The following MCTP1 variants were observed in gnomAD, a reference collection of about 807,000 sequenced individuals.
The protein encoded by MCTP1 is multiple C2 and transmembrane domain-containing protein 1.
A neutral mutation model predicts 120.6 loss-of-function variants in MCTP1; 69 were observed. The observed-to-expected ratio is 0.57, with a 90% CI of 0.47 to 0.70. MCTP1 has a LOEUF of 0.70. Among genes scored for constraint, MCTP1 ranks in the 30% least tolerant of loss-of-function variants. The pLI is 0.00. For missense variants in MCTP1, 1,203 were observed against 1,248.8 expected (o/e 0.96, Z 0.55); for synonymous variants, 529 against 493.1 (o/e 1.07, Z -0.96).
intron 1 of MCTP1, among the ~76,000 whole-genome samples, chr5:95,084,746 C>T (rs1289934108): frequency 6.6e-6 from 1 of 152,108 alleles, no homozygotes; most frequent in Non-Finnish European, 1.5e-5. Flanking sequence ...ATAACAATTG[C>T]TTTCCTAATT....
intron 1 of MCTP1, among the ~76,000 whole-genome samples, chr5:95,046,793 C>T (rs1345548910): frequency 2.6e-5 from 4 of 152,126 alleles, no homozygotes; most frequent in Non-Finnish European, 5.9e-5. Context: ...AACTCTTGAC[C>T]ACACGTATCT....
At chr5:95,166,788 T>C (rs777232166) in intron 1 of MCTP1, among the ~76,000 whole-genome samples, 26 of 151,914 alleles carry the variant, frequency 1.7e-4, no homozygotes, top group Admixed American at 3.3e-4. Context: ...AGGATGGTCT[T>C]GATCTCCTGA....
intron 1 of MCTP1, among the ~76,000 whole-genome samples, chr5:95,074,451 T>G (rs1216810095): frequency 6.6e-6 from 1 of 152,260 alleles, no homozygotes; most frequent in Non-Finnish European, 1.5e-5. Flanking sequence ...GAGTATTGTT[T>G]AGTAATCAAT....
At chr5:94,708,004 G>A (rs1251952486) in intron 22 of MCTP1, among the ~76,000 whole-genome samples, 1 of 148,766 alleles carries the variant, frequency 6.7e-6, no homozygotes, top group Non-Finnish European at 1.5e-5. Flanking sequence ...CTTTTATTTT[G>A]AAAACAGCTG....
chr5:94,758,735 C>G (rs1418200437), intron 19 of MCTP1, among the ~76,000 whole-genome samples: 2 of 152,078 alleles, frequency 1.3e-5, no homozygotes, highest in Non-Finnish European at 2.9e-5. Flanking sequence ...TGACTCCCAC[C>G]TGGATAATTT....
intron 19 of MCTP1, among the ~76,000 whole-genome samples, chr5:94,778,857 C>T (rs1775980292): frequency 6.6e-6 from 1 of 152,152 alleles, no homozygotes; most frequent in Non-Finnish European, 1.5e-5. Flanking sequence ...CTATCAAGTT[C>T]CAGACAAGCT....
chr5:95,180,980 T>A (rs1252665654), intron 1 of MCTP1, among the ~76,000 whole-genome samples: 1 of 152,212 alleles, frequency 6.6e-6, no homozygotes, highest in South Asian at 2.1e-4. Flanking sequence ...GAAGCTGACC[T>A]CTTCTTAAAC....
chr5:95,125,912 A>G (rs562455302), intron 1 of MCTP1, among the ~76,000 whole-genome samples: 1 of 152,218 alleles, frequency 6.6e-6, no homozygotes, highest in African/African-American at 2.4e-5. Context: ...ACCTTCTTCA[A>G]CTTCTCTTCA....
chr5:94,823,071 T>A (rs1000815604), intron 17 of MCTP1, among the ~76,000 whole-genome samples: 59 of 152,238 alleles, frequency 3.9e-4, no homozygotes, highest in African/African-American at 1.4e-3. Context: ...CATTTGTCAA[T>A]TTTGGCTTTT....
intron 4 of MCTP1, 106 bp downstream of exon 4, chr5:94,942,242 C>T (rs1817898154): frequency 4.0e-6 from 3 of 756,920 alleles, no homozygotes; most frequent in East Asian, 2.8e-5. Flanking sequence ...CAGGAAGGCT[C>T]ACCACTATAA....
intron 21 of MCTP1, chr5:94,710,241 G>GC (rs1254314932): frequency 2.6e-5 from 4 of 152,188 alleles, no homozygotes; most frequent in African/African-American, 9.6e-5. Flanking sequence ...TTGGCATGCA[G>GC]CATAGTTGCA....
At chr5:94,716,218 A>G (rs971871160) in intron 19 of MCTP1, among the ~76,000 whole-genome samples, 1 of 152,150 alleles carries the variant, frequency 6.6e-6, no homozygotes, top group Admixed American at 6.5e-5. Context: ...AAATTTGTCT[A>G]TTATTCATCT....
At chr5:95,213,140 T>C in intron 1 of MCTP1, among the ~76,000 whole-genome samples, 1 of 152,120 alleles carries the variant, frequency 6.6e-6, no homozygotes, top group Non-Finnish European at 1.5e-5. Flanking sequence ...AAAATCTCCT[T>C]AAGCTGATAA....
At chr5:95,110,582 T>C (rs556989916) in intron 1 of MCTP1, among the ~76,000 whole-genome samples, 8 of 152,182 alleles carry the variant, frequency 5.3e-5, no homozygotes, top group Non-Finnish European at 1.0e-4. Context: ...TTATTTTTTA[T>C]ACGCATTGCA....
intron 19 of MCTP1, among the ~76,000 whole-genome samples, chr5:94,762,568 C>G (rs1232043924): frequency 2.0e-5 from 3 of 152,230 alleles, no homozygotes. Flanking sequence ...GACAGCCAGG[C>G]AGGCATATGG....
intron 1 of MCTP1, among the ~76,000 whole-genome samples, chr5:95,244,262 G>A (rs190492740): frequency 2.0e-5 from 3 of 152,338 alleles, no homozygotes; most frequent in East Asian, 3.9e-4. Flanking sequence ...CAGCAAGATC[G>A]ACGCAGATGA....
chr5:94,973,290 C>T (rs1258565985), intron 2 of MCTP1, among the ~76,000 whole-genome samples: 1 of 152,144 alleles, frequency 6.6e-6, no homozygotes, highest in Non-Finnish European at 1.5e-5. Context: ...TTCCGATCAA[C>T]CGACTTGTCC....
chr5:94,947,577 T>TATATATATAGAG, intron 3 of MCTP1, among the ~76,000 whole-genome samples: 12 of 47,390 alleles, frequency 2.5e-4, no homozygotes, highest in East Asian at 8.8e-4. Flanking sequence ...TATATATATA[T>TATATATATAGAG]AGAGAGAGAG....
intron 8 of MCTP1, among the ~76,000 whole-genome samples, chr5:94,915,567 C>T (rs1809833999): frequency 6.6e-6 from 1 of 152,182 alleles, no homozygotes; most frequent in Non-Finnish European, 1.5e-5. Flanking sequence ...CTAGTTTACA[C>T]AGTGTCTTCA....
Sources: allele counts gnomAD v4.1 joint callset (sites outside exome capture counted in the v4.1 genomes callset), GRCh38; gene constraint gnomAD v4.1.1; transcripts MANE v1.5; gene names NCBI Gene and HGNC (gene_info 2026-07-23, HGNC 2026-07-21).